PRMT2: variants seen among roughly 807,000 people sequenced by gnomAD.
PRMT2 encodes the protein protein arginine N-methyltransferase 2.
PRMT2 carries 26 observed loss-of-function variants against 57.6 expected under a neutral mutation model. The ratio of observed to expected loss-of-function variants is 0.45; its 90% CI spans 0.33 to 0.63. The LOEUF is 0.63. PRMT2 is among the 20% of genes least tolerant of loss of function. PRMT2 has a pLI of 0.02. For missense variants in PRMT2, 472 were observed against 564.4 expected, an observed-to-expected ratio of 0.84 and a Z score of 1.66; for synonymous variants, 219 against 220.0, an observed-to-expected ratio of 1.00 and a Z score of 0.04.
rs1457242111 is a variant in PRMT2 at position 46,636,964 on chromosome 21, G to C, written c.13G>C (p.Gly5Arg). Reference protein sequence around the residue: MATSGDCPRSESQGE... With the variant: MATSRDCPRSESQGE... The stretch of plus-strand genomic sequence containing the variant: ...GCCTAAGAGAACTATGGCAACATCA[G>C]GTGACTGTCCCAGAAGTGAATCGCA... The change falls in exon 3 of 12, where the codon GGT becomes CGT. Residue 5 changes from glycine (G) to arginine (R), a missense_variant. Gly to Arg is a moderately radical substitution (Grantham distance 125). Transcript: ENST00000355680. The C allele has an allele frequency of 6.2e-7, 1 of 1,613,836 alleles. No homozygotes were observed.
rs1171708670 is a variant in PRMT2 at position 46,639,529 on chromosome 21, A to AT, written c.39+2542dup. ...TGAGTCCCTGTTATTGGGTGTATAT[A>AT]TTTAGTATAGGTTTTGTTTTCTAGA... On this transcript the variant is annotated intron_variant, in intron 3 of 11. Coordinates refer to ENST00000355680, the MANE Select transcript of PRMT2 (RefSeq NM_206962.4). Among the ~76,000 whole-genome samples, 31 of 151,544 alleles carry AT rather than the reference A, an allele frequency of 2.0e-4. 1 individual carries two copies. The highest frequency in any genetic ancestry group is 4.4e-5 in the Non-Finnish European group (3 of 67,890).
Position 46,644,352 on chromosome 21 carries a change from C to T in PRMT2, c.191C>T (p.Thr64Ile), listed in dbSNP as rs1182754858. 7.4e-6 allele frequency: 12 copies of T among 1,611,238 alleles called. No individual in the cohort carries two copies. The highest frequency in any genetic ancestry group is 1.3e-5 in the African/African-American group (1 of 74,824). The part of the protein sequence containing the change: ...GEKILILRQT[T>I]ADWWWGERAG... ...AAAATTCTTATCCTGAGACAAACCA[C>T]TGCAGATTGGTGGTGGGGTGAGCGT... Residue 64 changes from threonine (T) to isoleucine (I), a missense_variant, in exon 5 of 12, where the codon ACT becomes ATT. Coordinates refer to ENST00000355680, the MANE Select transcript of PRMT2 (RefSeq NM_206962.4).
intron 7 of PRMT2, chr21:46,657,341 T>C (rs568430444): frequency 4.2e-4 from 62 of 148,970 alleles, no homozygotes; most frequent in African/African-American, 1.5e-3. Context: ...CAAAAACCTG[T>C]ATGTGAATGA....
chr21:46,663,951 T>A (rs937576956), intron 11 of PRMT2, among the ~76,000 whole-genome samples: 3 of 152,204 alleles, frequency 2.0e-5, no homozygotes, highest in Non-Finnish European at 2.9e-5. Flanking sequence ...GCGTGTCGTC[T>A]GTGATGCGTG....
chr21:46,637,107 C>G, intron 3 of PRMT2, 117 bp downstream of exon 3: 1 of 1,009,336 alleles, frequency 9.9e-7, no homozygotes, highest in Non-Finnish European at 1.5e-6. Flanking sequence ...AGGTGGCCAC[C>G]GGCAGTAGAA....
intron 8 of PRMT2, 168 bp downstream of exon 8, chr21:46,659,088 G>A: frequency 1.4e-6 from 2 of 1,411,542 alleles, no homozygotes; most frequent in Non-Finnish European, 1.8e-6. Context: ...AAAGCAGTAT[G>A]GTGCTATAAC....
chr21:46,659,181 G>T, intron 8 of PRMT2: 1 of 1,207,012 alleles, frequency 8.3e-7, no homozygotes, highest in South Asian at 2.5e-5. Flanking sequence ...TTAGGAGGGA[G>T]TGAGGGCCAA....
At position 46,665,009 on chromosome 21, in the gene PRMT2, A is replaced by T. The variant is rs1205543535; in HGVS notation, c.*682A>T. 5 of 152,270 alleles carry T rather than the reference A, an allele frequency of 3.3e-5. No homozygotes were observed. The highest frequency in any genetic ancestry group is 1.3e-4 in the Admixed American group (2 of 15,280). The allele number at this position is 152,270 out of a possible 1,614,324, so 9.4% of individuals were successfully genotyped here. On this transcript the variant is annotated 3_prime_UTR_variant, in exon 12 of 12. Coordinates refer to ENST00000355680, the MANE Select transcript of PRMT2 (RefSeq NM_206962.4). ...TTTTGTAATTACAGGATCATACTATATGCATTGCTTTATAAGTTTTTCTCA... is the reference window on the plus strand; with the variant it reads ...TTTTGTAATTACAGGATCATACTATTTGCATTGCTTTATAAGTTTTTCTCA...
At position 46,649,704 on chromosome 21, in the gene PRMT2, G is replaced by T. The variant is rs983972285; in HGVS notation, c.619G>T (p.Val207Leu). 2 of 1,613,912 alleles carry T rather than the reference G, an allele frequency of 1.2e-6. No individual in the cohort carries two copies. Among genetic ancestry groups the T allele is most frequent in the Non-Finnish European group, 1.7e-6 (2 of 1,179,982 alleles). Reference protein sequence around the residue: ...EDVVLPEKVDVLVSEWMGTCL... With the variant: ...EDVVLPEKVDLLVSEWMGTCL... ...TGTGGTGCTGCCCGAGAAGGTGGAC[G>T]TGCTGGTGTCTGAGTGGATGGGGAC... The change falls in exon 7 of 12, where the codon GTG becomes TTG. Residue 207 changes from valine to leucine, a missense_variant. This residue lies in a region of PRMT2 where 243 missense variants were observed against 347.2 expected (regional missense o/e 0.70). Coordinates refer to ENST00000355680, the MANE Select transcript of PRMT2 (RefSeq NM_206962.4). This position sits in a 1 kb window ranked among gnomAD's most constrained non-coding sequence, Gnocchi z 4.8.
Position 46,661,822 on chromosome 21 carries a change from T to C in PRMT2, c.983T>C (p.Phe328Ser). ...CAGACCCTGAGGGGCGAGCTGCGCTTCGACATCAGGAAGGCGGGGACCCTG... is the reference window on the plus strand; with the variant it reads ...CAGACCCTGAGGGGCGAGCTGCGCTCCGACATCAGGAAGGCGGGGACCCTG... ...DLETLRGELR[F>S]DIRKAGTLHG... The change falls in exon 10 of 12, where the codon TTC becomes TCC. Residue 328 changes from phenylalanine (F) to serine (S), a missense_variant. Transcript: ENST00000355680. The C allele has an allele frequency of 6.8e-7, 1 of 1,481,198 alleles. No individual in the cohort carries two copies. The highest frequency in any genetic ancestry group is 9.0e-7 in the Non-Finnish European group (1 of 1,107,872). 91.8% of individuals were successfully genotyped at this position (1,481,198 alleles called of 1,614,324 possible). A position where few individuals can be genotyped will look rare whatever the true frequency, so the allele number is the denominator to read the frequency against.
chr21:46,644,563 C>A, intron 5 of PRMT2, 75 bp downstream of exon 5: 1 of 1,418,932 alleles, frequency 7.0e-7, no homozygotes, highest in Admixed American at 2.5e-5. Context: ...CTGCAACGTT[C>A]AGAGCAGGCC....
intron 4 of PRMT2, 112 bp from the exon 5 acceptor site, chr21:46,644,194 T>A: frequency 9.3e-7 from 1 of 1,080,250 alleles, no homozygotes; most frequent in Non-Finnish European, 1.3e-6. Context: ...ACCCACTGAC[T>A]CCTGTTTGAA....
intron 3 of PRMT2, among the ~76,000 whole-genome samples, chr21:46,640,753 TA>T (rs1348231044): frequency 6.6e-6 from 1 of 151,974 alleles, no homozygotes; most frequent in East Asian, 1.9e-4. Context: ...TCTCTTCATT[TA>T]TTTTTTTCTG....
intron 9 of PRMT2, chr21:46,661,568 G>GC (rs2149003214): frequency 4.7e-6 from 1 of 210,974 alleles, no homozygotes; most frequent in Non-Finnish European, 7.3e-6. Context: ...AGATTCCGCA[G>GC]AATCTGGGGT....
chr21:46,651,797 C>T (rs746230970), intron 7 of PRMT2: 31 of 1,612,684 alleles, frequency 1.9e-5, no homozygotes, highest in Non-Finnish European at 2.4e-5. Flanking sequence ...CTTCACTTTC[C>T]GTCCCCAGGC....
At chr21:46,643,992 C>T (rs1178281961) in intron 4 of PRMT2, among the ~76,000 whole-genome samples, 1 of 152,202 alleles carries the variant, frequency 6.6e-6, no homozygotes, top group Non-Finnish European at 1.5e-5. Flanking sequence ...TAGAGTCAGC[C>T]TCCAGTAACT....
At chr21:46,647,753 T>C (rs533324963) in intron 5 of PRMT2, among the ~76,000 whole-genome samples, 5 of 152,366 alleles carry the variant, frequency 3.3e-5, no homozygotes, top group African/African-American at 1.2e-4. Context: ...AATTCCGCCC[T>C]AATGTATGCC....
intron 5 of PRMT2, 116 bp downstream of exon 5, chr21:46,644,604 G>A (rs2061333196): frequency 9.6e-7 from 1 of 1,038,262 alleles, no homozygotes; most frequent in Non-Finnish European, 1.4e-6. Flanking sequence ...CTCCTCTGTT[G>A]TAGCCACTCA....
intron 10 of PRMT2, 65 bp downstream of exon 10, chr21:46,662,001 G>C: frequency 2.2e-6 from 1 of 446,248 alleles, no homozygotes; most frequent in Non-Finnish European, 3.1e-6. Flanking sequence ...GGGGTGCGGG[G>C]ATGGGGCGCG....
Sources: allele counts gnomAD v4.1 joint callset (sites outside exome capture counted in the v4.1 genomes callset), GRCh38; gene constraint gnomAD v4.1.1; regional missense constraint gnomAD v4.1.1; non-coding constraint Gnocchi (gnomAD v3.1); transcripts MANE v1.5; gene names NCBI Gene and HGNC (gene_info 2026-07-23, HGNC 2026-07-21).